The following PIEZO2 variants were observed in gnomAD, a reference collection of about 807,000 sequenced individuals.
PIEZO2 encodes piezo-type mechanosensitive ion channel component 2.
PIEZO2 carries 172 observed loss-of-function variants against 337.3 expected under a neutral mutation model. The ratio of observed to expected loss-of-function variants is 0.51; its 90% confidence interval spans 0.45 to 0.58. PIEZO2 has a LOEUF of 0.58. PIEZO2 is among the 20% of genes least tolerant of loss of function. The pLI, the probability that PIEZO2 is intolerant of heterozygous loss-of-function variation, is 0.00. For synonymous variants in PIEZO2, 1,251 were observed against 1,228.5 expected, an observed-to-expected ratio of 1.02 and a Z score of -0.38; for missense variants, 3,028 against 3,391.3, an observed-to-expected ratio of 0.89 and a Z score of 2.66.
At chr18:11,141,167 G>A (rs1270013656) in intron 1 of PIEZO2, among the ~76,000 whole-genome samples, 9 of 152,296 alleles carry the variant, frequency 5.9e-5, no homozygotes, top group African/African-American at 2.2e-4. Context: ...AACTCAAGAA[G>A]AACAGAATTG....
Position 10,744,299 on chromosome 18 carries a change from T to C in PIEZO2, c.4425-68A>G. ...ATTGTTGTTCCCCTTTTCCTGAAAA[T>C]TATTACTAAGGGTTAGAAAACATAA... On this transcript the variant is annotated intron_variant, in intron 30 of 55. Transcript: ENST00000674853. 2.9e-6 allele frequency: 3 copies of C among 1,021,996 alleles called. No homozygotes were observed. The South Asian group carries it at 4.2e-5, about 14-fold the overall frequency. The allele number at this position is 1,021,996 out of a possible 1,614,324, so 63.3% of individuals were successfully genotyped here.
chr18:10,712,516 G>C (rs1006308770), intron 39 of PIEZO2, among the ~76,000 whole-genome samples: 4 of 152,124 alleles, frequency 2.6e-5, no homozygotes, highest in African/African-American at 9.7e-5. Context: ...CTTTCAAAAA[G>C]TAAAAATAAA....
chr18:10,804,371 A>G (rs949200899), intron 8 of PIEZO2, among the ~76,000 whole-genome samples: 3 of 152,238 alleles, frequency 2.0e-5, no homozygotes, highest in African/African-American at 7.2e-5. Flanking sequence ...GCAATCTTCA[A>G]TTAAGACTGG....
rs539599958 is a variant in PIEZO2 at position 10,943,119 on chromosome 18, T to C, written c.287-31891A>G. Reference sequence around the variant, plus strand: ...GTTTGCTGTAGAGGCAGGGTCCTCATGGAGAACCTCTGCTAGGGCAGTGAG... The same window carrying C: ...GTTTGCTGTAGAGGCAGGGTCCTCACGGAGAACCTCTGCTAGGGCAGTGAG... On this transcript the variant is annotated intron_variant, in intron 3 of 55. Transcript: ENST00000674853. The surrounding 1 kb of genome is among the most constrained non-coding windows in gnomAD (Gnocchi z 4.5). Among the ~76,000 whole-genome samples, 19 of 152,328 alleles carry C rather than the reference T, an allele frequency of 1.2e-4. No homozygotes were observed. Among genetic ancestry groups the C allele is most frequent in the African/African-American group, 4.1e-4 (17 of 41,582 alleles).
rs2040218604 is a variant in PIEZO2 at position 11,127,651 on chromosome 18, G to A, written c.64+20874C>T. 6.6e-6 allele frequency among the ~76,000 whole-genome samples: 1 copy of A among 151,564 alleles called. No homozygotes were observed. The highest frequency in any genetic ancestry group is 2.4e-5 in the African/African-American group (1 of 41,188). On this transcript the variant is annotated intron_variant, in intron 1 of 55. Coordinates refer to ENST00000674853, the MANE Select transcript of PIEZO2 (RefSeq NM_001378183.1). This position sits in a 1 kb window ranked among gnomAD's most constrained non-coding sequence, Gnocchi z 4.5. ...CAGAAAGCCTATTGTGGGACCTTGTGATCATGTAAGTTAATACTTAATAAA... is the reference window on the plus strand; with the variant it reads ...CAGAAAGCCTATTGTGGGACCTTGTAATCATGTAAGTTAATACTTAATAAA...
At position 11,148,603 on chromosome 18, in the gene PIEZO2, G is replaced by C. The variant is rs531991579; in HGVS notation, c.-15C>G. On this transcript the variant is annotated 5_prime_UTR_variant, in exon 1 of 56. Transcript: ENST00000674853. This position sits in a 1 kb window ranked among gnomAD's most constrained non-coding sequence, Gnocchi z 5.2. ...TCTGAGGCCATCGCGTCGGTCCGGC[G>C]AGTCGGAGCAGAGGGGCGAGGCTCG... is the stretch of plus-strand genomic sequence containing the variant. 6.5e-7 allele frequency: 1 copy of C among 1,536,978 alleles called. No homozygotes were observed. The highest frequency in any genetic ancestry group is 2.4e-5 in the East Asian group (1 of 40,866).
intron 1 of PIEZO2, among the ~76,000 whole-genome samples, chr18:11,106,206 CCT>C (rs2146116857): frequency 6.6e-6 from 1 of 151,980 alleles, no homozygotes; most frequent in East Asian, 1.9e-4. Context: ...CCTGCCTCAG[CCT>C]CCCGAGTAGC....
chr18:10,976,142 G>C (rs1174356483), intron 3 of PIEZO2, among the ~76,000 whole-genome samples: 2 of 152,144 alleles, frequency 1.3e-5, no homozygotes, highest in African/African-American at 4.8e-5. Context: ...AGTATTTTCA[G>C]TTTATATAAC....
At chr18:10,822,341 C>T (rs2040542951) in intron 7 of PIEZO2, among the ~76,000 whole-genome samples, 1 of 146,802 alleles carries the variant, frequency 6.8e-6, no homozygotes, top group South Asian at 2.1e-4. Flanking sequence ...AAATAAATAG[C>T]TGAAACTTTT....
chr18:10,741,770 A>G (rs1358884870), intron 32 of PIEZO2, among the ~76,000 whole-genome samples: 1 of 152,220 alleles, frequency 6.6e-6, no homozygotes, highest in Non-Finnish European at 1.5e-5. Context: ...GTGCCACATA[A>G]AATACACATA....
rs763619242 is a variant in PIEZO2, at chr18:10,675,293, A to G, written c.8082-5T>C. 6.9e-7 allele frequency: 1 copy of G among 1,444,042 alleles called. No individual in the cohort carries two copies. Among genetic ancestry groups the G allele is most frequent in the South Asian group, 1.4e-5 (1 of 72,304 alleles). 89.5% of individuals were successfully genotyped at this position (1,444,042 alleles called of 1,614,324 possible). A position where few individuals can be genotyped will look rare whatever the true frequency, so the allele number is the denominator to read the frequency against. ...GGATAAATCTTTTCTATGGTCCTGT[A>G]CATTAAGAAAAAAAAGATACAATTA... On this transcript the variant is annotated splice_region_variant and splice_polypyrimidine_tract_variant and intron_variant, in intron 53 of 55. Coordinates refer to ENST00000674853, the MANE Select transcript of PIEZO2 (RefSeq NM_001378183.1).
intron 3 of PIEZO2, among the ~76,000 whole-genome samples, chr18:10,925,681 G>A (rs545662302): frequency 1.8e-4 from 27 of 152,174 alleles, no homozygotes; most frequent in Admixed American, 7.2e-4. Context: ...CCGTGTTCAC[G>A]CCATTCTCCT....
At chr18:11,074,293 G>T (rs963485899) in intron 1 of PIEZO2, among the ~76,000 whole-genome samples, 1 of 152,140 alleles carries the variant, frequency 6.6e-6, no homozygotes, top group Non-Finnish European at 1.5e-5. Context: ...GATTCTCAGG[G>T]AGCTGTACCT....
chr18:10,805,120 A>G (rs1462864847), intron 8 of PIEZO2, among the ~76,000 whole-genome samples: 1 of 152,252 alleles, frequency 6.6e-6, no homozygotes, highest in Non-Finnish European at 1.5e-5. Context: ...CTACTGCATT[A>G]TCCAAGAGAT....
chr18:11,096,306 C>T lies in PIEZO2; in HGVS notation c.65-30084G>A, dbSNP rs905818916. ...AAGCATTAGGGGCCATGTCCTGCTA[C>T]CAAATACCATTTCATTGGCTTCTGT... On this transcript the variant is annotated intron_variant, in intron 1 of 55. Transcript: ENST00000674853. This position sits in a 1 kb window ranked among gnomAD's most constrained non-coding sequence, Gnocchi z 4.6. Among the ~76,000 whole-genome samples, 1 of 152,220 alleles carries T rather than the reference C, an allele frequency of 6.6e-6. No individual in the cohort carries two copies. The highest frequency in any genetic ancestry group is 1.5e-5 in the Non-Finnish European group (1 of 68,036).
rs1598378459 is a variant in PIEZO2 at position 10,704,241 on chromosome 18, T to C, written c.6258+153A>G. On this transcript the variant is annotated intron_variant, in intron 42 of 55. Coordinates refer to ENST00000674853, the MANE Select transcript of PIEZO2 (RefSeq NM_001378183.1). ...GGTAACTGTTGCTGCTGACGATTTG[T>C]GTATCTAAGAATGTCTGTGGAACTG... 3 of 1,058,682 alleles carry C rather than the reference T, an allele frequency of 2.8e-6. No individual in the cohort carries two copies. In the East Asian group the frequency reaches 7.9e-5, roughly 28 times the overall value. 65.6% of individuals were successfully genotyped at this position (1,058,682 alleles called of 1,614,324 possible). A position where few individuals can be genotyped will look rare whatever the true frequency, so the allele number is the denominator to read the frequency against.
In PIEZO2 at chr18:10,691,322, A is replaced by G. The variant is rs774029080; in HGVS notation, c.7252T>C (p.Leu2418=). ...WYFVKCVYFG[L]SAYQIRCGYP... ...CCACAACGGATCTGGTAAGCAGACA[A>G]CCCGAAGTAAACACATTTCACAAAG... Residue 2418 remains leucine (L), a synonymous_variant, in exon 48 of 56, where the codon TTG becomes CTG. Transcript: ENST00000674853. 5.0e-6 allele frequency: 8 copies of G among 1,614,058 alleles called. No homozygotes were observed. The highest frequency in any genetic ancestry group is 3.3e-4 in the Middle Eastern group (2 of 6,062).
At chr18:10,920,524 A>G (rs1247001978) in intron 3 of PIEZO2, among the ~76,000 whole-genome samples, 1 of 152,174 alleles carries the variant, frequency 6.6e-6, no homozygotes, top group Admixed American at 6.5e-5. Context: ...ATAAAATGTG[A>G]TGAGAAAACT....
At chr18:11,053,425 C>T (rs769460883) in intron 2 of PIEZO2, among the ~76,000 whole-genome samples, 15 of 152,146 alleles carry the variant, frequency 9.9e-5, no homozygotes, top group African/African-American at 1.7e-4. Flanking sequence ...ATTAATAATG[C>T]TGTGCTTCAA....
Sources: allele counts gnomAD v4.1 joint callset (sites outside exome capture counted in the v4.1 genomes callset), GRCh38; gene constraint gnomAD v4.1.1; non-coding constraint Gnocchi (gnomAD v3.1); transcripts MANE v1.5; gene names NCBI Gene and HGNC (gene_info 2026-07-23, HGNC 2026-07-21).